Variants in LIFR observed in about 807,000 individuals in gnomAD.
The protein encoded by LIFR is leukemia inhibitory factor receptor.
Under a neutral mutation model 122.2 loss-of-function variants are expected in LIFR, and 84 were observed. The ratio of observed to expected loss-of-function variants is 0.69; its 90% CI spans 0.58 to 0.82. The LOEUF is 0.82. Among genes scored for constraint, LIFR ranks in the 40% least tolerant of loss-of-function variants. The pLI, the probability that LIFR is intolerant of heterozygous loss-of-function variation, is 0.00. For missense variants in LIFR, 1,294 were observed against 1,311.6 expected (o/e 0.99, Z 0.21); for synonymous variants, 422 against 434.7 (o/e 0.97, Z 0.36).
upstream of LIFR, among the ~76,000 whole-genome samples, chr5:38,561,341 G>A (rs1248309697): frequency 1.3e-5 from 2 of 152,062 alleles, no homozygotes; most frequent in Non-Finnish European, 2.9e-5. Flanking sequence ...TTTCGTTTTT[G>A]TTTTTGTTTT....
intron 5 of LIFR, among the ~76,000 whole-genome samples, chr5:38,512,937 TA>T (rs1745879756): frequency 6.6e-6 from 1 of 152,152 alleles, no homozygotes; most frequent in Non-Finnish European, 1.5e-5. Flanking sequence ...AAGTATTCTA[TA>T]TAGTTGCTTT....
intron 15 of LIFR, among the ~76,000 whole-genome samples, chr5:38,489,899 G>A (rs1744481661): frequency 6.7e-6 from 1 of 150,202 alleles, no homozygotes; most frequent in Admixed American, 6.7e-5. Context: ...GGAGGCTGAG[G>A]TGGGAGGATC....
At chr5:38,603,311 AG>A (rs1413096556) in intron 2 of LIFR, among the ~76,000 whole-genome samples, 2 of 152,144 alleles carry the variant, frequency 1.3e-5, no homozygotes, top group Non-Finnish European at 2.9e-5. Context: ...GCAAGAATTG[AG>A]GTTGCTGTAG....
chr5:38,483,084 C>T lies in LIFR; in HGVS notation c.2592-417G>A, dbSNP rs140539982. Among the ~76,000 whole-genome samples, 730 of 152,240 alleles carry T rather than the reference C, an allele frequency of 4.8e-3. 14 individuals carry two copies. The highest frequency in any genetic ancestry group is 0.041 in the Admixed American group (627 of 15,288). On this transcript the variant is annotated intron_variant, in intron 18 of 19. Coordinates refer to ENST00000453190, the MANE Select transcript of LIFR (RefSeq NM_001127671.2). The stretch of plus-strand genomic sequence containing the variant: ...ACTGCAGGCTGTGCTAAGAAAAAGG[C>T]TATTAATCTTGACCAAAAACTAAAT...
In LIFR at chr5:38,517,577, G is replaced by T. The variant is rs1353207936; in HGVS notation, c.562-5613C>A. 3.3e-5 allele frequency among the ~76,000 whole-genome samples: 5 copies of T among 152,156 alleles called. No individual in the cohort carries two copies. In the East Asian group the frequency reaches 9.7e-4, roughly 29 times the overall value. ...AGGCTGAATTAAGATGGGCTTTAAG[G>T]CTGGGCGCGGTGGCTCATGCCTGTA... On this transcript the variant is annotated intron_variant, in intron 5 of 19. Transcript: ENST00000453190.
Position 38,479,036 on chromosome 5 carries a change from T to A in LIFR, c.*2559A>T. 4.3e-6 allele frequency: 1 copy of A among 231,660 alleles called. No individual in the cohort carries two copies. The allele number at this position is 231,660 out of a possible 1,614,324, so 14.4% of individuals were successfully genotyped here. A position where few individuals can be genotyped will look rare whatever the true frequency, so the allele number is the denominator to read the frequency against. On this transcript the variant is annotated 3_prime_UTR_variant, in exon 20 of 20. Coordinates refer to ENST00000453190, the MANE Select transcript of LIFR (RefSeq NM_001127671.2). ...CCTTCATTGACAAACAGCGCACATTTACCAGTATCTCAGACAACTGAACAT... is the reference window on the plus strand; with the variant it reads ...CCTTCATTGACAAACAGCGCACATTAACCAGTATCTCAGACAACTGAACAT...
At chr5:38,577,334 G>A (rs921183801) in intron 1 of LIFR, among the ~76,000 whole-genome samples, 7 of 152,100 alleles carry the variant, frequency 4.6e-5, no homozygotes, top group African/African-American at 1.2e-4. Flanking sequence ...GACACCTCTC[G>A]CTCTGCCTAC....
At position 38,489,846 on chromosome 5, in the gene LIFR, T is replaced by G. The variant is rs1415670103; in HGVS notation, c.2167+344A>C. ...TCATCTCTACAAAAAAAAAAAAAAA[T>G]TAGCTGAGCATGGTGGCATGCACCT... On this transcript the variant is annotated intron_variant, in intron 15 of 19. Transcript: ENST00000453190. 2.3e-5 allele frequency among the ~76,000 whole-genome samples: 3 copies of G among 129,728 alleles called. No homozygotes were observed. The Admixed American group carries it at 2.4e-4, about 10-fold the overall frequency. The allele number at this position is 129,728 out of a possible 152,430, so 85.1% of individuals were successfully genotyped here.
At chr5:38,501,625 C>T (rs1745182354) in intron 11 of LIFR, among the ~76,000 whole-genome samples, 1 of 151,868 alleles carries the variant, frequency 6.6e-6, no homozygotes, top group South Asian at 2.1e-4. Flanking sequence ...GGTGGTGGGG[C>T]CCCTACTTGG....
chr5:38,484,411 A>G (rs1014918569), intron 18 of LIFR, among the ~76,000 whole-genome samples: 1 of 152,228 alleles, frequency 6.6e-6, no homozygotes, highest in Non-Finnish European at 1.5e-5. Context: ...CAAATGATTA[A>G]AATGACCAGA....
upstream of LIFR, among the ~76,000 whole-genome samples, chr5:38,599,647 T>A (rs1187037698): frequency 6.6e-6 from 1 of 152,242 alleles, no homozygotes; most frequent in East Asian, 1.9e-4. Flanking sequence ...GTTACTTTTT[T>A]AATCTATAGC....
rs775271099 is a variant in LIFR at position 38,510,592 on chromosome 5, G to A, written c.863C>T (p.Pro288Leu). Reference protein sequence around the residue: ...LSALIGHTNCPLIHLDGENVA... With the variant: ...LSALIGHTNCLLIHLDGENVA... The stretch of plus-strand genomic sequence containing the variant: ...ATTTTCCCCATCAAGATGGATCAAG[G>A]GGCAGTTTGTATGGCCAATCAGTGC... Residue 288 changes from proline (P) to leucine (L), a missense_variant, in exon 7 of 20, where the codon CCC (proline) becomes CTC (leucine). Transcript: ENST00000453190. 3.1e-6 allele frequency: 5 copies of A among 1,613,846 alleles called. No homozygotes were observed. In the African/African-American group the frequency reaches 5.3e-5, roughly 17 times the overall value.
In LIFR at chr5:38,490,177, C is replaced by T; in HGVS notation, c.2167+13G>A. The T allele has an allele frequency of 8.7e-7, 1 of 1,148,898 alleles. No homozygotes were observed. The highest frequency in any genetic ancestry group is 1.3e-6 in the Non-Finnish European group (1 of 769,550). The allele number at this position is 1,148,898 out of a possible 1,614,324, so 71.2% of individuals were successfully genotyped here. On this transcript the variant is annotated intron_variant, in intron 15 of 19. Transcript: ENST00000453190. ...GCCTTGAGCTCTTATAAATAAGTAC[C>T]CATTTAACTTACCCAATTCTTCTAT... is the stretch of plus-strand genomic sequence containing the variant.
chr5:38,573,233 T>C (rs1749272618), intron 1 of LIFR, among the ~76,000 whole-genome samples: 1 of 152,230 alleles, frequency 6.6e-6, no homozygotes, highest in Non-Finnish European at 1.5e-5. Context: ...AAGTAGCCAT[T>C]AGGAGCTTTT....
intron 1 of LIFR, among the ~76,000 whole-genome samples, chr5:38,535,703 G>A (rs1747262165): frequency 1.3e-5 from 2 of 152,140 alleles, no homozygotes; most frequent in Non-Finnish European, 2.9e-5. Flanking sequence ...GTAACCCTCA[G>A]TGTCCAAGCA....
chr5:38,587,436 C>T (rs778247203), intron 1 of LIFR, among the ~76,000 whole-genome samples: 4 of 150,664 alleles, frequency 2.7e-5, no homozygotes, highest in East Asian at 1.9e-4. Context: ...TTGGACAAGA[C>T]GGCCCAGGAG....
At chr5:38,575,732 T>C (rs1330793894) in intron 1 of LIFR, among the ~76,000 whole-genome samples, 1 of 152,118 alleles carries the variant, frequency 6.6e-6, no homozygotes, top group Non-Finnish European at 1.5e-5. Flanking sequence ...GTTTCCCACC[T>C]CTCATATCTC....
rs1743974963 is a variant in LIFR, at chr5:38,481,375, C to A, written c.*220G>T. The A allele has an allele frequency of 1.7e-6, 1 of 589,786 alleles. No homozygotes were observed. Among genetic ancestry groups the A allele is most frequent in the Non-Finnish European group, 3.0e-6 (1 of 332,900 alleles). The allele number at this position is 589,786 out of a possible 1,614,324, so 36.5% of individuals were successfully genotyped here. On this transcript the variant is annotated 3_prime_UTR_variant, in exon 20 of 20. Transcript: ENST00000453190. ...CTTTGGCTTGATCACAAAGAGCTCC[C>A]AATCTTGAGTTTTGTGGATTGAGGA... is the stretch of plus-strand genomic sequence containing the variant.
At position 38,505,892 on chromosome 5, in the gene LIFR, A is replaced by T; in HGVS notation, c.1291+13T>A. On this transcript the variant is annotated intron_variant, in intron 9 of 19. Transcript: ENST00000453190. ...AAAGTTATTTTTAAGACATTAGTTTATGTACAGCTTACCTTTTTCAGTTAT... is the reference window on the plus strand; with the variant it reads ...AAAGTTATTTTTAAGACATTAGTTTTTGTACAGCTTACCTTTTTCAGTTAT... The T allele has an allele frequency of 6.3e-7, 1 of 1,577,586 alleles. No homozygotes were observed. Among genetic ancestry groups the T allele is most frequent in the East Asian group, 2.3e-5 (1 of 44,426 alleles).
Sources: allele counts gnomAD v4.1 joint callset (sites outside exome capture counted in the v4.1 genomes callset), GRCh38; gene constraint gnomAD v4.1.1; transcripts MANE v1.5; gene names NCBI Gene and HGNC (gene_info 2026-07-23, HGNC 2026-07-21).